GRXCR1: variants seen among roughly 807,000 people sequenced by gnomAD.
The protein encoded by GRXCR1 is glutaredoxin domain-containing cysteine-rich protein 1.
A neutral mutation model predicts 27.3 loss-of-function variants in GRXCR1; 27 were observed. That is an observed-to-expected ratio of 0.99 (90% confidence interval 0.73 to 1.37). The LOEUF (loss-of-function observed/expected upper bound fraction) is 1.37. GRXCR1 is among the 40% of genes most tolerant of loss of function. The pLI is 0.00. For synonymous variants in GRXCR1, 122 were observed against 131.1 expected (o/e 0.93, Z 0.47); for missense variants, 379 against 354.4 (o/e 1.07, Z -0.56).
At chr4:42,912,056 T>C (rs1412151785) in intron 1 of GRXCR1, among the ~76,000 whole-genome samples, 1 of 152,146 alleles carries the variant, frequency 6.6e-6, no homozygotes, top group East Asian at 1.9e-4. Context: ...AGGGTGAATG[T>C]ATATCTTGGT....
chr4:42,950,267 C>A (rs1044271942), intron 1 of GRXCR1, among the ~76,000 whole-genome samples: 2 of 152,030 alleles, frequency 1.3e-5, no homozygotes, highest in African/African-American at 4.8e-5. Context: ...ATATTGTAGT[C>A]CCTTTTCTTC....
intron 2 of GRXCR1, among the ~76,000 whole-genome samples, chr4:42,984,176 G>A (rs1711601384): frequency 6.6e-6 from 1 of 152,072 alleles, no homozygotes; most frequent in African/African-American, 2.4e-5. Flanking sequence ...TGCTATTAAT[G>A]CCTCTATCGC....
intron 2 of GRXCR1, among the ~76,000 whole-genome samples, chr4:42,966,718 C>A (rs1040340100): frequency 2.6e-5 from 4 of 152,048 alleles, no homozygotes; most frequent in Non-Finnish European, 4.4e-5. Flanking sequence ...TGTGAGTCTT[C>A]TGGATATTAG....
chr4:42,903,637 C>T (rs923057300), intron 1 of GRXCR1, among the ~76,000 whole-genome samples: 1 of 147,876 alleles, frequency 6.8e-6, no homozygotes, highest in African/African-American at 2.5e-5. Flanking sequence ...TGGAATTTCC[C>T]TTTTCATACA....
At chr4:42,912,425 T>G (rs748365720) in intron 1 of GRXCR1, among the ~76,000 whole-genome samples, 7 of 152,288 alleles carry the variant, frequency 4.6e-5, no homozygotes, top group Non-Finnish European at 7.4e-5. Flanking sequence ...TTCAAAGAAG[T>G]ATGTGAACTT....
At chr4:43,024,325 A>C (rs571282743) in intron 3 of GRXCR1, among the ~76,000 whole-genome samples, 3 of 151,292 alleles carry the variant, frequency 2.0e-5, no homozygotes, top group South Asian at 4.2e-4. Flanking sequence ...AGTATGTCAA[A>C]AATGGCACAG....
chr4:43,013,181 C>A (rs1224672785), intron 2 of GRXCR1, among the ~76,000 whole-genome samples: 2 of 152,038 alleles, frequency 1.3e-5, no homozygotes, highest in East Asian at 3.9e-4. Context: ...AAAATAAAAA[C>A]AAATCATTCT....
chr4:42,941,176 A>G (rs1747611205), intron 1 of GRXCR1, among the ~76,000 whole-genome samples: 1 of 147,390 alleles, frequency 6.8e-6, no homozygotes, highest in Non-Finnish European at 1.5e-5. Context: ...GTGAGAACTA[A>G]AATGACTAGC....
chr4:42,921,162 T>C (rs1392717271), intron 1 of GRXCR1, among the ~76,000 whole-genome samples: 3 of 152,026 alleles, frequency 2.0e-5, no homozygotes, highest in African/African-American at 4.8e-5. Context: ...TGTTCTCTTA[T>C]AATATAGGCC....
chr4:43,005,363 T>C (rs1343045428), intron 2 of GRXCR1, among the ~76,000 whole-genome samples: 1 of 152,244 alleles, frequency 6.6e-6, no homozygotes, highest in Non-Finnish European at 1.5e-5. Context: ...GTTTAGTTTC[T>C]GACATTTTTT....
chr4:43,029,567 A>G (rs931966536), intron 3 of GRXCR1, among the ~76,000 whole-genome samples: 11 of 152,204 alleles, frequency 7.2e-5, no homozygotes, highest in Non-Finnish European at 1.6e-4. Context: ...ACAGAAATGC[A>G]TGTAAATGAT....
intron 2 of GRXCR1, among the ~76,000 whole-genome samples, chr4:43,002,133 G>T (rs200143460): frequency 6.6e-5 from 10 of 152,338 alleles, no homozygotes; most frequent in Admixed American, 2.0e-4. Flanking sequence ...CCAGGGGCAG[G>T]CAGGAGACAG....
intron 1 of GRXCR1, among the ~76,000 whole-genome samples, chr4:42,948,508 G>A (rs1560660857): frequency 6.6e-6 from 1 of 152,060 alleles, no homozygotes; most frequent in Non-Finnish European, 1.5e-5. Context: ...ATAAGCACGA[G>A]GAAGATGTAG....
At chr4:42,908,573 T>C (rs1746648877) in intron 1 of GRXCR1, among the ~76,000 whole-genome samples, 1 of 152,200 alleles carries the variant, frequency 6.6e-6, no homozygotes, top group African/African-American at 2.4e-5. Context: ...TGCAAAGTCC[T>C]TCTATTTGTT....
intron 1 of GRXCR1, among the ~76,000 whole-genome samples, chr4:42,919,193 A>T (rs1401608025): frequency 6.6e-6 from 1 of 152,152 alleles, no homozygotes; most frequent in East Asian, 1.9e-4. Context: ...AGGTAATAGC[A>T]GCAGCAGCTG....
intron 2 of GRXCR1, among the ~76,000 whole-genome samples, chr4:42,968,852 G>A (rs952364298): frequency 6.6e-6 from 1 of 151,968 alleles, no homozygotes; most frequent in African/African-American, 2.4e-5. Flanking sequence ...AAGAAGGATA[G>A]GAATATAATA....
At chr4:42,899,960 T>C (rs1746426829) in intron 1 of GRXCR1, among the ~76,000 whole-genome samples, 1 of 152,154 alleles carries the variant, frequency 6.6e-6, no homozygotes, top group African/African-American at 2.4e-5. Context: ...TAATGAATGC[T>C]TATGGGTGGC....
At chr4:43,023,954 A>G (rs1713172774) in intron 3 of GRXCR1, among the ~76,000 whole-genome samples, 1 of 152,146 alleles carries the variant, frequency 6.6e-6, no homozygotes, top group African/African-American at 2.4e-5. Context: ...CGAAGTGTCT[A>G]AGGAGTCCTC....
rs149133127 is a variant in GRXCR1 at position 43,002,410 on chromosome 4, C to T, written c.628-17944C>T. Among the ~76,000 whole-genome samples, 780 of 152,282 alleles carry T rather than the reference C, an allele frequency of 5.1e-3. 9 individuals are homozygous for T. Among genetic ancestry groups the T allele is most frequent in the African/African-American group, 0.018 (737 of 41,576 alleles). The stretch of plus-strand genomic sequence containing the variant: ...CTTTATCAAGTATACTGCCTGTAAA[C>T]ATTTTGTTAAGAAGGCACGTCCTGC... On this transcript the variant is annotated intron_variant, in intron 2 of 3. Coordinates refer to ENST00000399770, the MANE Select transcript of GRXCR1 (RefSeq NM_001080476.3).
Sources: allele counts gnomAD v4.1 joint callset (sites outside exome capture counted in the v4.1 genomes callset), GRCh38; gene constraint gnomAD v4.1.1; transcripts MANE v1.5; gene names NCBI Gene and HGNC (gene_info 2026-07-23, HGNC 2026-07-21).